The following STEAP1B variants were observed in gnomAD, a reference collection of about 807,000 sequenced individuals.
STEAP1B encodes the protein STEAP family protein MGC87042.
A neutral mutation model predicts 27.9 loss-of-function variants in STEAP1B; 13 were observed. That is an observed-to-expected ratio of 0.47 (90% CI 0.30 to 0.74). The LOEUF (loss-of-function observed/expected upper bound fraction) is 0.74, where lower values mean the gene tolerates loss of function less well. Ranked by LOEUF, STEAP1B falls within the 30% of genes least tolerant of loss-of-function variation. The probability of loss-of-function intolerance (pLI) is 0.06; values close to 1 mark genes in which losing one functional copy is unlikely to be tolerated. For synonymous variants in STEAP1B, 86 were observed against 107.1 expected, an observed-to-expected ratio of 0.80 and a Z score of 1.22; for missense variants, 250 against 298.7, an observed-to-expected ratio of 0.84 and a Z score of 1.20.
chr7:22,478,265 A>G (rs1262506027), intron 4 of STEAP1B, among the ~76,000 whole-genome samples: 1 of 152,214 alleles, frequency 6.6e-6, no homozygotes, highest in East Asian at 1.9e-4. Context: ...CGGTTACTTA[A>G]GGCAATGAGG....
rs531731136 is a variant in STEAP1B at position 22,498,153 on chromosome 7, T to G, written c.-32+1961A>C. 9.0e-4 allele frequency among the ~76,000 whole-genome samples: 137 copies of G among 152,326 alleles called. 1 individual carries two copies. Among genetic ancestry groups the G allele is most frequent in the African/African-American group, 3.1e-3 (127 of 41,574 alleles). ...CTGGCCTGCCACTCCCCTCCTGCTG[T>G]GCAGCCCAGTTCCTAACAGGACACT... On this transcript the variant is annotated intron_variant, in intron 1 of 4. Coordinates refer to ENST00000678116, the MANE Select transcript of STEAP1B (RefSeq NM_001382447.1).
At chr7:22,489,341 C>A (rs987385240) in intron 4 of STEAP1B, among the ~76,000 whole-genome samples, 6 of 152,100 alleles carry the variant, frequency 3.9e-5, no homozygotes, top group South Asian at 2.1e-4. Context: ...AAATGGACTC[C>A]CCTTAGCAAT....
chr7:22,455,295 G>A (rs777784808), intron 4 of STEAP1B, among the ~76,000 whole-genome samples: 9 of 152,314 alleles, frequency 5.9e-5, no homozygotes, highest in Middle Eastern at 3.4e-3. Flanking sequence ...CAAATTTAGC[G>A]TTAATGGATT....
intron 4 of STEAP1B, among the ~76,000 whole-genome samples, chr7:22,445,373 G>C (rs1785393710): frequency 6.6e-6 from 1 of 152,236 alleles, no homozygotes; most frequent in Non-Finnish European, 1.5e-5. Context: ...AACTCTTCAG[G>C]GAGGACAGCT....
intron 4 of STEAP1B, among the ~76,000 whole-genome samples, chr7:22,459,885 A>G (rs1253663214): frequency 6.6e-6 from 1 of 152,164 alleles, no homozygotes; most frequent in Non-Finnish European, 1.5e-5. Context: ...ATTTTGGTTC[A>G]TATCTAGTGA....
At chr7:22,480,266 A>C (rs1234062246) in intron 4 of STEAP1B, among the ~76,000 whole-genome samples, 1 of 152,250 alleles carries the variant, frequency 6.6e-6, no homozygotes, top group African/African-American at 2.4e-5. Context: ...TTCTCGGCTA[A>C]AGGTAAAAAG....
At chr7:22,450,584 G>A (rs1412373962) in intron 4 of STEAP1B, among the ~76,000 whole-genome samples, 1 of 145,360 alleles carries the variant, frequency 6.9e-6, no homozygotes, top group Non-Finnish European at 1.5e-5. Flanking sequence ...TAGGTAATGT[G>A]ATTCCTGTAG....
intron 2 of STEAP1B, among the ~76,000 whole-genome samples, chr7:22,494,225 G>T (rs2051961): frequency 0.11 from 16,002 of 148,950 alleles, 952 homozygotes; most frequent in Non-Finnish European, 0.13. Flanking sequence ...CAAAATTTCT[G>T]CCACTTTTTC....
At chr7:22,454,970 C>T (rs1287802804) in intron 4 of STEAP1B, among the ~76,000 whole-genome samples, 1 of 151,352 alleles carries the variant, frequency 6.6e-6, no homozygotes. Context: ...TCAAGTGATT[C>T]TTCTGCCTCA....
chr7:22,469,144 G>GT (rs1349424149), intron 4 of STEAP1B, among the ~76,000 whole-genome samples: 1 of 152,180 alleles, frequency 6.6e-6, no homozygotes, highest in Non-Finnish European at 1.5e-5. Context: ...GTGGAAAGCA[G>GT]TGATATTGAT....
intron 4 of STEAP1B, among the ~76,000 whole-genome samples, chr7:22,488,147 T>C (rs1305271932): frequency 5.3e-5 from 8 of 152,194 alleles, no homozygotes; most frequent in East Asian, 1.9e-4. Flanking sequence ...CCTTCTCTCC[T>C]GGCCCTTGAC....
intron 4 of STEAP1B, among the ~76,000 whole-genome samples, chr7:22,435,071 A>G (rs1427361919): frequency 6.6e-6 from 1 of 152,178 alleles, no homozygotes; most frequent in African/African-American, 2.4e-5. Context: ...GTAAATAGCC[A>G]CATGTGGTTA....
chr7:22,456,970 A>ATTTTTTT (rs1457986338), intron 4 of STEAP1B, among the ~76,000 whole-genome samples: 4 of 26,160 alleles, frequency 1.5e-4, no homozygotes, highest in Non-Finnish European at 3.5e-4. Context: ...ATATATATAT[A>ATTTTTTT]TATTTTTTTT....
chr7:22,440,558 G>C (rs1014705645), intron 4 of STEAP1B, among the ~76,000 whole-genome samples: 1 of 152,206 alleles, frequency 6.6e-6, no homozygotes, highest in African/African-American at 2.4e-5. Flanking sequence ...CCATTTAGCC[G>C]CATTTGCTCT....
chr7:22,419,804 T>A lies in STEAP1B; in HGVS notation c.795A>T (p.Ter265CysextTer7), dbSNP rs778634739. Residue 265 changes from the stop codon to cysteine (C), a stop_lost, in exon 5 of 5, where the codon TGA becomes TGT. Transcript: ENST00000678116. ...VHGRINFLTL[*>C] ...CCTCTCATGTTACTGGCAGGATCTG[T>A]CACAAGGTCAGGAAGTTGATCCTAC... 38 of 1,550,054 alleles carry A rather than the reference T, an allele frequency of 2.5e-5. No individual in the cohort carries two copies. In the South Asian group the frequency reaches 3.9e-4, roughly 16 times the overall value.
intron 4 of STEAP1B, among the ~76,000 whole-genome samples, chr7:22,489,546 A>G (rs1786281184): frequency 6.6e-6 from 1 of 152,176 alleles, no homozygotes; most frequent in South Asian, 2.1e-4. Flanking sequence ...CCCCAAGCCC[A>G]CAGGACTGGT....
chr7:22,470,395 T>C (rs1422884943), intron 4 of STEAP1B, among the ~76,000 whole-genome samples: 2 of 152,234 alleles, frequency 1.3e-5, no homozygotes, highest in Non-Finnish European at 2.9e-5. Context: ...TTTACATTGA[T>C]ACACTTTTAT....
intron 4 of STEAP1B, among the ~76,000 whole-genome samples, chr7:22,451,138 A>G (rs1785481326): frequency 5.3e-5 from 8 of 152,070 alleles, no homozygotes; most frequent in Admixed American, 5.2e-4. Context: ...CAGAGATTGC[A>G]GTGAGCTGAG....
rs188917170 is a variant in STEAP1B, at chr7:22,494,326, T to C, written c.84+446A>G. ...ATCTAAAAGTAGATTTATTTGGTTATACAGTGAATCGTCAATTTACTAGAT... is the reference window on the plus strand; with the variant it reads ...ATCTAAAAGTAGATTTATTTGGTTACACAGTGAATCGTCAATTTACTAGAT... On this transcript the variant is annotated intron_variant, in intron 2 of 4. Transcript: ENST00000678116. Among the ~76,000 whole-genome samples, 439 of 152,182 alleles carry C rather than the reference T, an allele frequency of 2.9e-3. 4 individuals carry two copies. The highest frequency in any genetic ancestry group is 0.025 in the South Asian group (120 of 4,824).
Sources: allele counts gnomAD v4.1 joint callset (sites outside exome capture counted in the v4.1 genomes callset), GRCh38; gene constraint gnomAD v4.1.1; transcripts MANE v1.5; gene names NCBI Gene and HGNC (gene_info 2026-07-23, HGNC 2026-07-21).